RIC3: variants seen among roughly 807,000 people sequenced by gnomAD.
RIC3 encodes the protein protein RIC-3.
RIC3 carries 28 observed loss-of-function variants against 27.3 expected under a neutral mutation model. That is an observed-to-expected ratio of 1.02 (90% CI 0.76 to 1.41). RIC3 has a LOEUF of 1.41. Ranked by LOEUF, RIC3 falls within the 40% of genes most tolerant of loss-of-function variation. RIC3 has a pLI of 0.00. For synonymous variants in RIC3, 184 were observed against 160.4 expected, an observed-to-expected ratio of 1.15 and a Z score of -1.11; for missense variants, 501 against 444.7, an observed-to-expected ratio of 1.13 and a Z score of -1.14.
chr11:8,145,518 T>G (rs1949589453), intron 1 of RIC3, among the ~76,000 whole-genome samples: 2 of 152,138 alleles, frequency 1.3e-5, no homozygotes, highest in South Asian at 4.1e-4. Flanking sequence ...GTACTCAGCT[T>G]GGGTAGGTAT....
At chr11:8,145,948 G>C (rs1949632226) in intron 1 of RIC3, among the ~76,000 whole-genome samples, 1 of 152,178 alleles carries the variant, frequency 6.6e-6, no homozygotes, top group South Asian at 2.1e-4. Flanking sequence ...AAGTGATACA[G>C]ATATTCTGCC....
At chr11:8,114,624 G>C (rs564427931) in intron 5 of RIC3, among the ~76,000 whole-genome samples, 5 of 143,482 alleles carry the variant, frequency 3.5e-5, no homozygotes, top group African/African-American at 1.3e-4. Flanking sequence ...AAAAAAGAAA[G>C]AAAGAAAGAA....
At chr11:8,101,458 C>T, downstream of RIC3, 1 of 1,613,720 alleles carries the variant, frequency 6.2e-7, no homozygotes, top group Non-Finnish European at 8.5e-7. Context: ...CTGTCCTTTT[C>T]TCTGTCTGTG....
At chr11:8,118,088 T>G (rs936844959) in intron 5 of RIC3, among the ~76,000 whole-genome samples, 2 of 151,584 alleles carry the variant, frequency 1.3e-5, no homozygotes, top group Non-Finnish European at 2.9e-5. Context: ...CCAGGCGTGG[T>G]GGCAGGCGCC....
At chr11:8,117,672 T>C (rs183646178) in intron 5 of RIC3, among the ~76,000 whole-genome samples, 100 of 152,260 alleles carry the variant, frequency 6.6e-4, no homozygotes, top group African/African-American at 2.3e-3. Flanking sequence ...TATTTGAAAA[T>C]TGCTAACAGA....
intron 5 of RIC3, among the ~76,000 whole-genome samples, chr11:8,111,518 T>C (rs1430200099): frequency 6.6e-6 from 1 of 152,244 alleles, no homozygotes; most frequent in Non-Finnish European, 1.5e-5. Flanking sequence ...CTAATGTTTA[T>C]AATTTCTATT....
chr11:8,111,225 C>T (rs1017426298), intron 5 of RIC3, 88 bp from the exon 6 acceptor site: 72 of 941,418 alleles, frequency 7.6e-5, no homozygotes, highest in Non-Finnish European at 1.1e-4. Context: ...GATTCTCAGG[C>T]AGCAGCCATC....
At chr11:8,143,559 C>T (rs1204447431) in intron 1 of RIC3, among the ~76,000 whole-genome samples, 3 of 152,098 alleles carry the variant, frequency 2.0e-5, no homozygotes, top group Admixed American at 2.0e-4. Flanking sequence ...ACATTCCATG[C>T]TCATGGGTAG....
rs965605699 is a variant in RIC3, at chr11:8,144,924, G to T, written c.125-4731C>A. Reference sequence around the variant, plus strand: ...AAATCATCATTCTCAGTAAACTATCGCAAGAACAAAAAACCAAACACCGCA... The same window carrying T: ...AAATCATCATTCTCAGTAAACTATCTCAAGAACAAAAAACCAAACACCGCA... On this transcript the variant is annotated intron_variant, in intron 1 of 5. Transcript: ENST00000309737. Among the ~76,000 whole-genome samples the T allele has an allele frequency of 5.9e-3, 857 of 145,562 alleles. 10 individuals carry two copies. Among genetic ancestry groups the T allele is most frequent in the African/African-American group, 0.021 (810 of 39,250 alleles).
At chr11:8,098,636 C>G in the RIC3 span, 2 of 717,174 alleles carry the variant, frequency 2.8e-6, no homozygotes, top group African/African-American at 1.8e-5. Flanking sequence ...GTATGCCTCC[C>G]TGGGCCTGCT....
intron 4 of RIC3, chr11:8,128,180 C>A: frequency 2.2e-6 from 1 of 457,262 alleles, no homozygotes; most frequent in Non-Finnish European, 4.4e-6. Context: ...AAACAACCCA[C>A]TTTGTGTGAG....
chr11:8,139,992 A>T lies in RIC3; in HGVS notation c.326T>A (p.Leu109Ter), dbSNP rs267603218. 5.0e-6 allele frequency: 8 copies of T among 1,613,812 alleles called. No homozygotes were observed. In the African/African-American group the frequency reaches 6.7e-5, roughly 13 times the overall value. Residue 109 changes from leucine (L) to a stop codon, truncating the protein, a stop_gained, in exon 2 of 6, where the codon TTA becomes TAA. Coordinates refer to ENST00000309737, the MANE Select transcript of RIC3 (RefSeq NM_001206671.4). LOFTEE classifies it high-confidence loss of function. ...IIPIYGFGIF[L>*]YILYILFKLS... ...CTTAAATAGAATGTACAGTATATAT[A>T]AAAAAATCCCAAAACCGTAGATTGG...
At chr11:8,140,327 G>C in intron 1 of RIC3, 134 bp from the exon 2 acceptor site, 1 of 752,240 alleles carries the variant, frequency 1.3e-6, no homozygotes, top group South Asian at 1.9e-5. Context: ...TAATTAAAAG[G>C]ATACAGAGGT....
Position 8,107,447 on chromosome 11 carries a change from T to G in RIC3, c.*3251A>C, listed in dbSNP as rs1019921173. The G allele has an allele frequency of 1.3e-5, 2 of 152,232 alleles. No homozygotes were observed. The highest frequency in any genetic ancestry group is 2.9e-5 in the Non-Finnish European group (2 of 68,054). The allele number at this position is 152,232 out of a possible 1,614,324, so 9.4% of individuals were successfully genotyped here. A position where few individuals can be genotyped will look rare whatever the true frequency, so the allele number is the denominator to read the frequency against. On this transcript the variant is annotated 3_prime_UTR_variant, in exon 6 of 6. Coordinates refer to ENST00000309737, the MANE Select transcript of RIC3 (RefSeq NM_001206671.4). ...TGTTTAGTCATCAGGTTCAAAAATCTTAAATGGCTATAGACAGGGGTGACC... is the reference window on the plus strand; with the variant it reads ...TGTTTAGTCATCAGGTTCAAAAATCGTAAATGGCTATAGACAGGGGTGACC...
chr11:8,096,674 C>T, the RIC3 span: 15 of 1,562,908 alleles, frequency 9.6e-6, no homozygotes, highest in Non-Finnish European at 1.3e-5. Context: ...CTTCTTCTCT[C>T]CTTGGCCCAG....
intron 5 of RIC3, among the ~76,000 whole-genome samples, chr11:8,117,965 G>A (rs1946037118): frequency 6.6e-6 from 1 of 152,084 alleles, no homozygotes; most frequent in Non-Finnish European, 1.5e-5. Flanking sequence ...GCTCACGCCT[G>A]TAATCCCAGC....
chr11:8,123,088 A>G (rs1192502081), intron 5 of RIC3, among the ~76,000 whole-genome samples: 1 of 152,146 alleles, frequency 6.6e-6, no homozygotes, highest in African/African-American at 2.4e-5. Context: ...GTCTGAAATT[A>G]AAAAACACTG....
intron 2 of RIC3, chr11:8,139,758 G>A: frequency 1.8e-6 from 1 of 547,058 alleles, no homozygotes; most frequent in Non-Finnish European, 3.2e-6. Context: ...TGAATTTTGG[G>A]GCAAAACACT....
downstream of RIC3, chr11:8,106,034 A>AT (rs1264807255): frequency 8.6e-5 from 13 of 151,690 alleles, no homozygotes; most frequent in African/African-American, 3.1e-4. Context: ...TTTGTTCAAG[A>AT]TTATCTGGCG....
Sources: gnomAD v4.1 joint callset for allele counts (sites outside exome capture counted in the v4.1 genomes callset) on GRCh38, gnomAD v4.1.1 for gene constraint, MANE v1.5 for transcripts, NCBI Gene and HGNC (gene_info 2026-07-23, HGNC 2026-07-21) for gene names.